TMEM243: variants seen among roughly 807,000 people sequenced by gnomAD.
The protein encoded by TMEM243 is MDR1 and mitochondrial taxol resistance associated.
Under a neutral mutation model 15.0 loss-of-function variants are expected in TMEM243, and 20 were observed. The ratio of observed to expected loss-of-function variants is 1.33; its 90% CI spans 0.94 to 1.93. The LOEUF (loss-of-function observed/expected upper bound fraction) is 1.93. TMEM243 is among the 30% of genes most tolerant of loss of function. TMEM243 has a pLI of 0.00. For missense variants in TMEM243, 156 were observed against 142.1 expected (o/e 1.10, Z -0.50); for synonymous variants, 72 against 52.7 (o/e 1.37, Z -1.59).
In TMEM243 at chr7:87,199,053, C is replaced by T. The variant is rs752432933; in HGVS notation, c.83G>A (p.Arg28Gln). ...GCTGCCAACAACTAAATTGATGATT[C>T]GATCCTGAAAGAGAAAAGAATTTTT... ...PLFGETSAKD[R>Q]IINLVVGSLT... The change falls in exon 2 of 4, where the codon CGA becomes CAA. Residue 28 changes from arginine (R) to glutamine (Q), a missense_variant. Transcript: ENST00000257637. The T allele has an allele frequency of 8.7e-6, 14 of 1,604,880 alleles. No individual in the cohort carries two copies. In the East Asian group the frequency reaches 9.0e-5, roughly 10 times the overall value.
At chr7:87,209,684 C>G (rs57386539) in intron 1 of TMEM243, among the ~76,000 whole-genome samples, 1,974 of 73,296 alleles carry the variant, frequency 0.027, 143 homozygotes, top group African/African-American at 0.088. Flanking sequence ...GAGCGAGACA[C>G]AGCGAGAGAG....
chr7:87,203,833 C>A (rs974257139), intron 1 of TMEM243, among the ~76,000 whole-genome samples: 2 of 152,060 alleles, frequency 1.3e-5, no homozygotes, highest in African/African-American at 2.4e-5. Flanking sequence ...AATTCATACA[C>A]AATCATTTCT....
intron 1 of TMEM243, among the ~76,000 whole-genome samples, chr7:87,216,014 T>C (rs1226861209): frequency 6.6e-6 from 1 of 152,056 alleles, no homozygotes; most frequent in Non-Finnish European, 1.5e-5. Context: ...CTCACGCCTG[T>C]AATCCCAGCA....
intron 1 of TMEM243, among the ~76,000 whole-genome samples, chr7:87,210,780 T>A (rs1802689144): frequency 6.6e-6 from 1 of 152,200 alleles, no homozygotes; most frequent in Non-Finnish European, 1.5e-5. Context: ...TTTCCAGGCA[T>A]ACAATGCAAT....
At chr7:87,210,695 C>T (rs1802682139) in intron 1 of TMEM243, among the ~76,000 whole-genome samples, 1 of 152,236 alleles carries the variant, frequency 6.6e-6, no homozygotes, top group Admixed American at 6.5e-5. Context: ...TTGAGCAACT[C>T]CACATGGCCC....
At chr7:87,200,052 C>T (rs543532127) in intron 1 of TMEM243, among the ~76,000 whole-genome samples, 2 of 152,256 alleles carry the variant, frequency 1.3e-5, no homozygotes, top group South Asian at 4.1e-4. Flanking sequence ...GGAACAATCA[C>T]AGAGCAGCAA....
chr7:87,200,529 A>G (rs903094034), intron 1 of TMEM243, among the ~76,000 whole-genome samples: 24 of 152,300 alleles, frequency 1.6e-4, no homozygotes, highest in Admixed American at 5.9e-4. Flanking sequence ...TGCATACCTC[A>G]TAACAGCTCC....
At chr7:87,197,715 T>TAGATA in intron 3 of TMEM243, 1 of 275,582 alleles carries the variant, frequency 3.6e-6, no homozygotes, top group Non-Finnish European at 4.8e-6. Context: ...TTTTTTTTTT[T>TAGATA]TAAGCTATCA....
chr7:87,210,901 C>T (rs1399640680), intron 1 of TMEM243, among the ~76,000 whole-genome samples: 1 of 152,228 alleles, frequency 6.6e-6, no homozygotes, highest in African/African-American at 2.4e-5. Context: ...ACCCACAGAC[C>T]CAACAGCACG....
intron 1 of TMEM243, among the ~76,000 whole-genome samples, chr7:87,208,483 T>C (rs1802386092): frequency 6.6e-6 from 1 of 152,216 alleles, no homozygotes; most frequent in African/African-American, 2.4e-5. Context: ...CCTGTGCTTT[T>C]CAGGGTACAA....
intron 1 of TMEM243, among the ~76,000 whole-genome samples, chr7:87,214,296 A>T (rs1802957152): frequency 6.6e-6 from 1 of 152,250 alleles, no homozygotes; most frequent in East Asian, 1.9e-4. Flanking sequence ...TTCTAACACA[A>T]GACAGTGGGA....
chr7:87,213,227 G>GCCTA (rs1360245513), intron 1 of TMEM243, among the ~76,000 whole-genome samples: 1 of 152,188 alleles, frequency 6.6e-6, no homozygotes, highest in Non-Finnish European at 1.5e-5. Flanking sequence ...AAATACCAGT[G>GCCTA]CCTAGGCCCC....
intron 1 of TMEM243, among the ~76,000 whole-genome samples, chr7:87,214,643 G>A (rs1158293004): frequency 6.6e-6 from 1 of 152,138 alleles, no homozygotes; most frequent in Non-Finnish European, 1.5e-5. Flanking sequence ...AGCTTCCAAA[G>A]TCCCACAACA....
At chr7:87,214,321 T>G (rs2129238316) in intron 1 of TMEM243, among the ~76,000 whole-genome samples, 1 of 152,264 alleles carries the variant, frequency 6.6e-6, no homozygotes, top group South Asian at 2.1e-4. Context: ...CTGTCCAAAC[T>G]GTGTACTAAA....
chr7:87,219,404 T>A (rs1803335163), intron 1 of TMEM243, 22 bp downstream of exon 1: 1 of 1,612,528 alleles, frequency 6.2e-7, no homozygotes, highest in Non-Finnish European at 8.5e-7. Context: ...CATCCCAGTC[T>A]GGAGTCACAA....
chr7:87,200,434 A>G lies in TMEM243; in HGVS notation c.79-1377T>C, dbSNP rs143325391. Reference sequence around the variant, plus strand: ...GGGACAACATAAAATGTGTAGAGAGACAAAATCCATGGGAGCCCCACTATT... The same window carrying G: ...GGGACAACATAAAATGTGTAGAGAGGCAAAATCCATGGGAGCCCCACTATT... On this transcript the variant is annotated intron_variant, in intron 1 of 3. Coordinates refer to ENST00000257637, the MANE Select transcript of TMEM243 (RefSeq NM_024315.4). Among the ~76,000 whole-genome samples the G allele has an allele frequency of 2.0e-4, 30 of 152,048 alleles. No individual in the cohort carries two copies. The East Asian group carries it at 5.4e-3, about 27-fold the overall frequency.
chr7:87,198,159 GCCA>G, intron 2 of TMEM243, 114 bp from the exon 3 acceptor site: 1 of 808,658 alleles, frequency 1.2e-6, no homozygotes, highest in South Asian at 1.9e-5. Flanking sequence ...AATTACATCT[GCCA>G]CCAAGTTTGC....
chr7:87,196,606 A>C lies in TMEM243; in HGVS notation c.*30T>G, dbSNP rs776184868. On this transcript the variant is annotated 3_prime_UTR_variant, in exon 4 of 4. Transcript: ENST00000257637. The stretch of plus-strand genomic sequence containing the variant: ...ACTGTCCTAATGTATCATTTTGAAG[A>C]GTCCTGGTAAGTACTTCTCCTTGGC... The C allele has an allele frequency of 2.5e-6, 4 of 1,589,520 alleles. No individual in the cohort carries two copies. The East Asian group carries it at 9.1e-5, about 36-fold the overall frequency.
intron 1 of TMEM243, among the ~76,000 whole-genome samples, chr7:87,218,970 C>G (rs541453496): frequency 3.7e-4 from 56 of 152,174 alleles, no homozygotes; most frequent in Non-Finnish European, 7.1e-4. Flanking sequence ...AGCCTCTCCC[C>G]TTTCCTTGCT....
Sources: gnomAD v4.1 joint callset for allele counts (sites outside exome capture counted in the v4.1 genomes callset) on GRCh38, gnomAD v4.1.1 for gene constraint, MANE v1.5 for transcripts, NCBI Gene and HGNC (gene_info 2026-07-23, HGNC 2026-07-21) for gene names.